The following RASGEF1C variants were observed in gnomAD, a reference collection of about 807,000 sequenced individuals.
RASGEF1C encodes ras-GEF domain-containing family member 1C.
Under a neutral mutation model 58.1 loss-of-function variants are expected in RASGEF1C, and 27 were observed. The ratio of observed to expected loss-of-function variants is 0.46; its 90% confidence interval spans 0.34 to 0.64. The LOEUF is 0.64. RASGEF1C is among the 30% of genes least tolerant of loss of function. The pLI, the probability that RASGEF1C is intolerant of heterozygous loss-of-function variation, is 0.01. For synonymous variants in RASGEF1C, 243 were observed against 246.3 expected (o/e 0.99, Z 0.13); for missense variants, 502 against 605.1 (o/e 0.83, Z 1.79).
chr5:180,173,705 G>A (rs542655887), intron 1 of RASGEF1C, among the ~76,000 whole-genome samples: 1 of 152,136 alleles, frequency 6.6e-6, no homozygotes, highest in Non-Finnish European at 1.5e-5. Context: ...ACAAGGTCAG[G>A]AGTTTGAGAC....
chr5:180,127,723 A>T (rs1228948586), intron 5 of RASGEF1C, 40 bp from the exon 6 acceptor site: 12 of 1,567,764 alleles, frequency 7.7e-6, no homozygotes, highest in Non-Finnish European at 8.7e-6. Flanking sequence ...GAGGGAAGGT[A>T]TGGGGAGGGG....
chr5:180,124,057 G>GAAAC (rs559604393), intron 6 of RASGEF1C, among the ~76,000 whole-genome samples: 7 of 151,846 alleles, frequency 4.6e-5, no homozygotes, highest in South Asian at 2.1e-4. Context: ...AATAAACAAC[G>GAAAC]AAACAAACAA....
chr5:180,148,379 A>G (rs1368244022), intron 1 of RASGEF1C, among the ~76,000 whole-genome samples: 3 of 39,862 alleles, frequency 7.5e-5, no homozygotes, highest in African/African-American at 1.5e-4. Flanking sequence ...TACTCCTGCC[A>G]TTTTGCTGTT....
chr5:180,114,281 G>A (rs1582262488), intron 11 of RASGEF1C, among the ~76,000 whole-genome samples, 165 bp downstream of exon 11: 1 of 152,188 alleles, frequency 6.6e-6, no homozygotes, highest in African/African-American at 2.4e-5. Flanking sequence ...CACTGCAGTG[G>A]ATGTCAGGGT....
At chr5:180,203,138 C>A (rs1399613239) in intron 1 of RASGEF1C, among the ~76,000 whole-genome samples, 1 of 152,160 alleles carries the variant, frequency 6.6e-6, no homozygotes, top group African/African-American at 2.4e-5. Flanking sequence ...ATGGTGCTCA[C>A]CGGCATGAGC....
chr5:180,126,136 G>A (rs933814410), intron 6 of RASGEF1C, among the ~76,000 whole-genome samples: 7 of 152,188 alleles, frequency 4.6e-5, no homozygotes, highest in Admixed American at 3.3e-4. Context: ...GGCCGGGCGC[G>A]GTAGCTCACG....
At position 180,198,877 on chromosome 5, in the gene RASGEF1C, C is replaced by T. The variant is rs915864931; in HGVS notation, c.-7+10151G>A. ...AAGGACCTTTGCCAAGAGTAGGAAC[C>T]CAGGGAGGCAGAGCTGGGCCCACAG... On this transcript the variant is annotated intron_variant, in intron 1 of 13. Coordinates refer to ENST00000361132, the MANE Select transcript of RASGEF1C (RefSeq NM_175062.4). This position sits in a 1 kb window ranked among gnomAD's most constrained non-coding sequence, Gnocchi z 4.5. Among the ~76,000 whole-genome samples the T allele has an allele frequency of 6.6e-6, 1 of 152,058 alleles. No homozygotes were observed. The highest frequency in any genetic ancestry group is 2.4e-5 in the African/African-American group (1 of 41,386).
At chr5:180,192,290 G>A (rs1756177760) in intron 1 of RASGEF1C, among the ~76,000 whole-genome samples, 1 of 152,190 alleles carries the variant, frequency 6.6e-6, no homozygotes. Context: ...GCAATGGACA[G>A]GAAGAAGAAG....
intron 12 of RASGEF1C, among the ~76,000 whole-genome samples, chr5:180,107,021 C>G (rs762075764): frequency 6.6e-6 from 1 of 152,120 alleles, no homozygotes. Context: ...TAATGTCCTT[C>G]TTTGTTTCTG....
At chr5:180,162,416 C>T (rs908037329) in intron 1 of RASGEF1C, among the ~76,000 whole-genome samples, 1 of 152,216 alleles carries the variant, frequency 6.6e-6, no homozygotes, top group Non-Finnish European at 1.5e-5. Flanking sequence ...CTGATGTCAC[C>T]CCTAGGATCC....
At chr5:180,132,401 C>A (rs1388563233) in intron 4 of RASGEF1C, among the ~76,000 whole-genome samples, 1 of 152,224 alleles carries the variant, frequency 6.6e-6, no homozygotes, top group Admixed American at 6.5e-5. Context: ...ACAGCTGGAA[C>A]CCCTGTCCCT....
intron 1 of RASGEF1C, among the ~76,000 whole-genome samples, chr5:180,179,679 G>GTCTCTCCAT (rs1304593538): frequency 6.6e-6 from 1 of 152,232 alleles, no homozygotes; most frequent in Non-Finnish European, 1.5e-5. Flanking sequence ...GCAAACTGTG[G>GTCTCTCCAT]TCTCTCCATT....
At chr5:180,114,347 G>A (rs1376131613) in intron 11 of RASGEF1C, 99 bp downstream of exon 11, 18 of 1,164,196 alleles carry the variant, frequency 1.5e-5, no homozygotes, top group Non-Finnish European at 2.2e-5. Flanking sequence ...TTCTGCCCCA[G>A]GGTCCCCCAT....
Position 180,127,547 on chromosome 5 carries a change from C to T in RASGEF1C, c.714+62G>A. On this transcript the variant is annotated intron_variant, in intron 6 of 13. Coordinates refer to ENST00000361132, the MANE Select transcript of RASGEF1C (RefSeq NM_175062.4). ...CGCCCAGAGAAGGCTCGCGGGCTCC[C>T]CGGAGAGCGGCCAGTCACTGGGTGA... 2 of 1,500,194 alleles carry T rather than the reference C, an allele frequency of 1.3e-6. 1 individual carries two copies. Among genetic ancestry groups the T allele is most frequent in the Middle Eastern group, 4.5e-4 (2 of 4,408 alleles). The allele number at this position is 1,500,194 out of a possible 1,614,324, so 92.9% of individuals were successfully genotyped here.
rs563224114 is a variant in RASGEF1C, at chr5:180,124,181, G to A, written c.715-3032C>T. Among the ~76,000 whole-genome samples the A allele has an allele frequency of 2.5e-3, 372 of 151,308 alleles. 1 individual carries two copies. The highest frequency in any genetic ancestry group is 4.2e-3 in the Non-Finnish European group (282 of 67,840). Reference sequence around the variant, plus strand: ...CAGGAGGCAGAGCTCGCAGTGAGCCGAGATAGCGCCACTGCACTCCAGCCT... The same window carrying A: ...CAGGAGGCAGAGCTCGCAGTGAGCCAAGATAGCGCCACTGCACTCCAGCCT... On this transcript the variant is annotated intron_variant, in intron 6 of 13. Transcript: ENST00000361132.
intron 1 of RASGEF1C, among the ~76,000 whole-genome samples, chr5:180,163,252 TCCAGC>T (rs1561747786): frequency 1.1e-4 from 9 of 80,956 alleles, no homozygotes; most frequent in South Asian, 4.4e-4. Flanking sequence ...TTTTTTTTTT[TCCAGC>T]CTATTGCACT....
chr5:180,190,622 C>A (rs188634617), intron 1 of RASGEF1C, among the ~76,000 whole-genome samples: 1 of 150,366 alleles, frequency 6.7e-6, no homozygotes, highest in African/African-American at 2.4e-5. Flanking sequence ...GAGCTGTGAT[C>A]GCACCACTGC....
rs948880433 is a variant in RASGEF1C, at chr5:180,186,146, A to G, written c.-7+22882T>C. On this transcript the variant is annotated intron_variant, in intron 1 of 13. Coordinates refer to ENST00000361132, the MANE Select transcript of RASGEF1C (RefSeq NM_175062.4). ...AAAGACAACAATGCTCGCTTTTACC[A>G]TTGCTATTCAACATTGTACTAGGCG... Among the ~76,000 whole-genome samples, 11 of 151,222 alleles carry G rather than the reference A, an allele frequency of 7.3e-5. No homozygotes were observed. In the East Asian group the frequency reaches 2.1e-3, roughly 29 times the overall value.
At chr5:180,102,847 C>T (rs999850183) in intron 12 of RASGEF1C, among the ~76,000 whole-genome samples, 16 of 152,154 alleles carry the variant, frequency 1.1e-4, no homozygotes, top group African/African-American at 3.1e-4. Flanking sequence ...ATTCCTCCCA[C>T]GAATCCTTTT....
Sources: allele counts gnomAD v4.1 joint callset (sites outside exome capture counted in the v4.1 genomes callset), GRCh38; gene constraint gnomAD v4.1.1; non-coding constraint Gnocchi (gnomAD v3.1); transcripts MANE v1.5; gene names NCBI Gene and HGNC (gene_info 2026-07-23, HGNC 2026-07-21).